The following MMP20 variants were observed in gnomAD, a reference collection of about 807,000 sequenced individuals.
MMP20 encodes matrix metalloproteinase-20.
MMP20 carries 50 observed loss-of-function variants against 51.8 expected under a neutral mutation model. That is an observed-to-expected ratio of 0.97 (90% CI 0.77 to 1.22). The LOEUF (loss-of-function observed/expected upper bound fraction) is 1.22. MMP20 is among the 50% of genes most tolerant of loss of function. The pLI is 0.00. For missense variants in MMP20, 663 were observed against 601.4 expected, an observed-to-expected ratio of 1.10 and a Z score of -1.07; for synonymous variants, 244 against 216.2, an observed-to-expected ratio of 1.13 and a Z score of -1.13.
At chr11:102,616,670 A>T in intron 2 of MMP20, 142 bp downstream of exon 2, 1 of 1,075,188 alleles carries the variant, frequency 9.3e-7, no homozygotes, top group East Asian at 2.6e-5. Flanking sequence ...TGCCTGACGG[A>T]TGGATGTAAA....
intron 8 of MMP20, among the ~76,000 whole-genome samples, chr11:102,581,097 G>A (rs1273645189): frequency 2.0e-5 from 3 of 152,078 alleles, no homozygotes; most frequent in African/African-American, 7.2e-5. Flanking sequence ...TGAGCTCTGA[G>A]CCCTGGTTTT....
intron 8 of MMP20, among the ~76,000 whole-genome samples, chr11:102,585,493 G>GT (rs1251477386): frequency 6.6e-6 from 1 of 152,058 alleles, no homozygotes; most frequent in Admixed American, 6.6e-5. Flanking sequence ...AGTTCTAAAA[G>GT]TTTTTTTAGA....
intron 6 of MMP20, among the ~76,000 whole-genome samples, chr11:102,597,469 C>G (rs1053854882): frequency 6.6e-6 from 1 of 152,170 alleles, no homozygotes; most frequent in African/African-American, 2.4e-5. Flanking sequence ...CATTGTAAAT[C>G]AAGTGTGATT....
chr11:102,585,808 T>A (rs888950973), intron 8 of MMP20, among the ~76,000 whole-genome samples: 1 of 152,212 alleles, frequency 6.6e-6, no homozygotes, highest in Non-Finnish European at 1.5e-5. Context: ...GGTTGCTGAA[T>A]GTTTTTTTAT....
chr11:102,624,685 GGGTTGGC>G (rs1350456152), intron 1 of MMP20, among the ~76,000 whole-genome samples: 1 of 152,084 alleles, frequency 6.6e-6, no homozygotes, highest in East Asian at 1.9e-4. Context: ...AATGAGAAGT[GGGTTGGC>G]ACCCAGGAAG....
chr11:102,605,823 T>C (rs966647035), intron 6 of MMP20, among the ~76,000 whole-genome samples: 1 of 152,206 alleles, frequency 6.6e-6, no homozygotes, highest in Non-Finnish European at 1.5e-5. Flanking sequence ...AATGTTGCTA[T>C]GTTTCTCTTT....
rs201174058 is a variant in MMP20 at position 102,606,663 on chromosome 11, T to C, written c.825A>G (p.Val275=). 212 of 1,614,132 alleles carry C rather than the reference T, an allele frequency of 1.3e-4. No individual in the cohort carries two copies. The Middle Eastern group carries it at 1.3e-3, about 10-fold the overall frequency. Residue 275 remains valine (V), a synonymous_variant, in exon 6 of 10, where the codon GTA becomes GTG. Transcript: ENST00000260228. The stretch of plus-strand genomic sequence containing the variant: ...GGGGCAGAGTGGGCTTCCCCAGGAA[T>C]ACTTTCCGAGGTCCTAGGATTCAAA... ...GIQALYGPRK[V]FLGKPTLPHA...
At chr11:102,579,852 C>CT (rs1205595749) in intron 8 of MMP20, among the ~76,000 whole-genome samples, 1 of 152,012 alleles carries the variant, frequency 6.6e-6, no homozygotes, top group African/African-American at 2.4e-5. Context: ...TTTTTATTGC[C>CT]TTATTTATTG....
intron 4 of MMP20, 71 bp from the exon 5 acceptor site, chr11:102,609,169 G>T: frequency 1.5e-6 from 2 of 1,366,376 alleles, no homozygotes; most frequent in Non-Finnish European, 2.1e-6. Flanking sequence ...CATCTTTATA[G>T]TATAATTTAT....
Position 102,577,317 on chromosome 11 carries a change from C to T in MMP20, c.*9G>A. ...ATCCTCATTGCTTGAGAAGACTAGG[C>T]TTTTCTATTTAGCAACCAATCCAGG... On this transcript the variant is annotated 3_prime_UTR_variant, in exon 10 of 10. Coordinates refer to ENST00000260228, the MANE Select transcript of MMP20 (RefSeq NM_004771.4). 6.3e-7 allele frequency: 1 copy of T among 1,593,582 alleles called. No individual in the cohort carries two copies. The highest frequency in any genetic ancestry group is 8.6e-7 in the Non-Finnish European group (1 of 1,161,356).
chr11:102,610,055 A>G (rs1208670612), intron 3 of MMP20, 25 bp from the exon 4 acceptor site: 1 of 1,613,708 alleles, frequency 6.2e-7, no homozygotes, highest in South Asian at 1.1e-5. Context: ...AGAAAGGCCA[A>G]CAAGATTGAG....
At chr11:102,619,578 A>T (rs61895668) in intron 1 of MMP20, among the ~76,000 whole-genome samples, 1 of 150,762 alleles carries the variant, frequency 6.6e-6, no homozygotes, top group African/African-American at 2.4e-5. Flanking sequence ...AAAAAAACAA[A>T]ATAAATGCCA....
In MMP20 at chr11:102,577,088, A is replaced by G; in HGVS notation, c.*238T>C. 1 of 495,596 alleles carries G rather than the reference A, an allele frequency of 2.0e-6. No homozygotes were observed. The highest frequency in any genetic ancestry group is 3.7e-6 in the Non-Finnish European group (1 of 273,088). 30.7% of individuals were successfully genotyped at this position (495,596 alleles called of 1,614,324 possible). On this transcript the variant is annotated 3_prime_UTR_variant, in exon 10 of 10. Transcript: ENST00000260228. Reference sequence around the variant, plus strand: ...ATAATGGTGTCTAACTGCAGAGTGCATTGTGTTGATTTGGATTTCGCATAA... The same window carrying G: ...ATAATGGTGTCTAACTGCAGAGTGCGTTGTGTTGATTTGGATTTCGCATAA...
At chr11:102,578,628 T>C (rs17098600) in intron 9 of MMP20, among the ~76,000 whole-genome samples, 44,447 of 151,968 alleles carry the variant, frequency 0.29, 7,086 homozygotes, top group African/African-American at 0.42. Context: ...CCCAGCTACT[T>C]GGGAGGCTGA....
chr11:102,577,268 T>A lies in MMP20; in HGVS notation c.*58A>T, dbSNP rs1859136319. On this transcript the variant is annotated 3_prime_UTR_variant, in exon 10 of 10. Coordinates refer to ENST00000260228, the MANE Select transcript of MMP20 (RefSeq NM_004771.4). The stretch of plus-strand genomic sequence containing the variant: ...CTACATTCTGCTTTAGTCCTTAAGA[T>A]CCAGTTAGAGGCTGCTTGTAGTCAT... 15 of 1,165,800 alleles carry A rather than the reference T, an allele frequency of 1.3e-5. No homozygotes were observed. In the South Asian group the frequency reaches 1.8e-4, roughly 14 times the overall value. 72.2% of individuals were successfully genotyped at this position (1,165,800 alleles called of 1,614,324 possible). A position where few individuals can be genotyped will look rare whatever the true frequency, so the allele number is the denominator to read the frequency against.
intron 8 of MMP20, among the ~76,000 whole-genome samples, chr11:102,587,625 C>A (rs753984859): frequency 2.5e-4 from 38 of 151,978 alleles, no homozygotes; most frequent in Admixed American, 5.9e-4. Flanking sequence ...ATTTTTGGGG[C>A]CCTGTGTTAG....
chr11:102,600,812 G>A (rs1356988990), intron 6 of MMP20, among the ~76,000 whole-genome samples: 1 of 152,002 alleles, frequency 6.6e-6, no homozygotes, highest in Non-Finnish European at 1.5e-5. Context: ...CCCTTTCCAT[G>A]ATCTGGCTTT....
At chr11:102,582,602 A>G (rs1859209893) in intron 8 of MMP20, among the ~76,000 whole-genome samples, 2 of 152,190 alleles carry the variant, frequency 1.3e-5, no homozygotes, top group Non-Finnish European at 2.9e-5. Context: ...GGAGAGGAGG[A>G]AGCTGCCATG....
chr11:102,616,673 G>T, intron 2 of MMP20, 139 bp downstream of exon 2: 1 of 1,094,848 alleles, frequency 9.1e-7, no homozygotes, highest in Non-Finnish European at 1.3e-6. Context: ...CTGACGGATG[G>T]ATGTAAAAAG....
Sources: allele counts gnomAD v4.1 joint callset (sites outside exome capture counted in the v4.1 genomes callset), GRCh38; gene constraint gnomAD v4.1.1; transcripts MANE v1.5; gene names NCBI Gene and HGNC (gene_info 2026-07-23, HGNC 2026-07-21).